Variants in PRKG1 observed in about 807,000 individuals in gnomAD.
PRKG1 encodes cGMP-dependent protein kinase 1.
A neutral mutation model predicts 88.1 loss-of-function variants in PRKG1; 35 were observed. The observed-to-expected ratio is 0.40, with a 90% CI of 0.30 to 0.53. The LOEUF is 0.53. PRKG1 is among the 20% of genes least tolerant of loss of function. The pLI is 0.59. For missense variants in PRKG1, 540 were observed against 839.8 expected (o/e 0.64, Z 4.41); for synonymous variants, 303 against 292.5 (o/e 1.04, Z -0.37).
At chr10:52,173,883 C>G (rs1236709827) in intron 9 of PRKG1, among the ~76,000 whole-genome samples, 1 of 152,120 alleles carries the variant, frequency 6.6e-6, no homozygotes, top group Middle Eastern at 3.4e-3. Context: ...AATTTAAGAC[C>G]GCTTTCAATT....
At chr10:51,650,459 T>G (rs1285859682) in intron 3 of PRKG1, among the ~76,000 whole-genome samples, 2 of 152,232 alleles carry the variant, frequency 1.3e-5, no homozygotes, top group Non-Finnish European at 2.9e-5. Context: ...GTTGACAAAA[T>G]TAATTAGCAA....
chr10:51,413,563 G>C (rs1838160457), intron 2 of PRKG1, among the ~76,000 whole-genome samples: 1 of 152,010 alleles, frequency 6.6e-6, no homozygotes, highest in South Asian at 2.1e-4. Flanking sequence ...GTTTCACCAT[G>C]ATGGCCAGAC....
intron 2 of PRKG1, among the ~76,000 whole-genome samples, chr10:51,207,265 A>G (rs1838086749): frequency 6.6e-6 from 1 of 152,318 alleles, no homozygotes; most frequent in Non-Finnish European, 1.5e-5. Flanking sequence ...TATCTTGATT[A>G]ACTTTCAGCT....
At chr10:50,995,584 T>C (rs1429710258) in intron 1 of PRKG1, among the ~76,000 whole-genome samples, 3 of 152,224 alleles carry the variant, frequency 2.0e-5, no homozygotes. Context: ...GTGTTTTACA[T>C]AGATCTCTGT....
chr10:51,125,571 A>G (rs2131924074), intron 1 of PRKG1, among the ~76,000 whole-genome samples: 1 of 149,504 alleles, frequency 6.7e-6, no homozygotes, highest in South Asian at 2.1e-4. Context: ...AATCCCAGCT[A>G]CTTGGGAGGG....
rs1423598736 is a variant in PRKG1, at chr10:51,553,967, AGATACGTGCATATTATATATGCGTATGT to A, written c.592+86150_592+86177del. On this transcript the variant is annotated intron_variant, in intron 3 of 17. Coordinates refer to ENST00000373980, the MANE Select transcript of PRKG1 (RefSeq NM_006258.4). The stretch of plus-strand genomic sequence containing the variant: ...CGTGTATATAATATATGTATGTATT[AGATACGTGCATATTATATATGCGTATGT>A]GATACGTGCATATTATATGTGCGTA... Among the ~76,000 whole-genome samples the A allele has an allele frequency of 5.2e-5, 7 of 133,718 alleles. 1 individual carries two copies. Among genetic ancestry groups the A allele is most frequent in the Admixed American group, 1.5e-4 (2 of 13,292 alleles). The allele number at this position is 133,718 out of a possible 152,430, so 87.7% of individuals were successfully genotyped here. A position where few individuals can be genotyped will look rare whatever the true frequency, so the allele number is the denominator to read the frequency against.
rs1842111630 is a variant in PRKG1 at position 51,907,497 on chromosome 10, T to C, written c.699-10T>C. ...TCATGTGTTCAGCACTATTCTGTTT[T>C]GTTTTTCAGCGTTCCAACATTCCAG... On this transcript the variant is annotated splice_polypyrimidine_tract_variant and intron_variant, in intron 4 of 17. Transcript: ENST00000373980. 6.2e-7 allele frequency: 1 copy of C among 1,611,178 alleles called. No individual in the cohort carries two copies.
At chr10:51,185,402 T>A (rs1399958280) in intron 2 of PRKG1, among the ~76,000 whole-genome samples, 1 of 152,114 alleles carries the variant, frequency 6.6e-6, no homozygotes, top group South Asian at 2.1e-4. Flanking sequence ...TTGAAATAGG[T>A]TCCACATTAC....
At chr10:51,412,312 T>A (rs555224985) in intron 2 of PRKG1, among the ~76,000 whole-genome samples, 14 of 152,112 alleles carry the variant, frequency 9.2e-5, no homozygotes, top group African/African-American at 3.4e-4. Context: ...CAAAACTAGC[T>A]GTTAATCTTT....
intron 5 of PRKG1, among the ~76,000 whole-genome samples, chr10:51,969,584 A>C (rs1843653817): frequency 6.6e-6 from 1 of 152,136 alleles, no homozygotes. Context: ...ACAATCCTAT[A>C]GAAAAATAGC....
At chr10:51,464,737 A>G (rs1391622412) in intron 2 of PRKG1, among the ~76,000 whole-genome samples, 3 of 151,326 alleles carry the variant, frequency 2.0e-5, no homozygotes, top group Non-Finnish European at 2.9e-5. Context: ...TAAAAATACA[A>G]AAAATTAGCC....
intron 7 of PRKG1, among the ~76,000 whole-genome samples, chr10:52,111,112 A>C (rs556115634): frequency 1.3e-5 from 2 of 152,322 alleles, no homozygotes; most frequent in East Asian, 1.9e-4. Flanking sequence ...TAATTTATTT[A>C]TCTTACTTAA....
chr10:51,304,071 C>T (rs181612725), intron 2 of PRKG1, among the ~76,000 whole-genome samples: 27 of 152,194 alleles, frequency 1.8e-4, no homozygotes, highest in Admixed American at 1.1e-3. Flanking sequence ...CTGCCCACCT[C>T]GGCCTCCCAA....
intron 5 of PRKG1, among the ~76,000 whole-genome samples, chr10:52,011,852 G>A (rs191286161): frequency 2.6e-5 from 4 of 152,226 alleles, no homozygotes; most frequent in East Asian, 1.9e-4. Context: ...TGCTGTTCTC[G>A]TGATAGTGAA....
chr10:51,598,279 AT>A (rs1338255601), intron 3 of PRKG1, among the ~76,000 whole-genome samples: 1 of 151,806 alleles, frequency 6.6e-6, no homozygotes, highest in African/African-American at 2.4e-5. Flanking sequence ...CCAAGCCTTT[AT>A]TTTTTTCCTT....
intron 1 of PRKG1, among the ~76,000 whole-genome samples, chr10:51,083,154 C>T (rs897030503): frequency 3.3e-5 from 5 of 152,138 alleles, no homozygotes; most frequent in Non-Finnish European, 7.3e-5. Flanking sequence ...AGCATCTGAA[C>T]CTATCAGCAT....
At chr10:51,358,474 G>C (rs1214022880) in intron 2 of PRKG1, among the ~76,000 whole-genome samples, 2 of 151,922 alleles carry the variant, frequency 1.3e-5, no homozygotes, top group East Asian at 3.9e-4. Context: ...AGACCAGGCA[G>C]TCTGGAATAT....
At chr10:51,810,957 AC>A (rs1391080636) in intron 4 of PRKG1, among the ~76,000 whole-genome samples, 1 of 152,242 alleles carries the variant, frequency 6.6e-6, no homozygotes, top group Non-Finnish European at 1.5e-5. Flanking sequence ...TGATAAATCA[AC>A]AAGGATTAAA....
intron 3 of PRKG1, among the ~76,000 whole-genome samples, chr10:51,711,975 G>T (rs1419739752): frequency 6.6e-6 from 1 of 152,068 alleles, no homozygotes; most frequent in African/African-American, 2.4e-5. Flanking sequence ...TGCATTCATG[G>T]CTGAGGTTTC....
Sources: allele counts gnomAD v4.1 joint callset (sites outside exome capture counted in the v4.1 genomes callset), GRCh38; gene constraint gnomAD v4.1.1; transcripts MANE v1.5; gene names NCBI Gene and HGNC (gene_info 2026-07-23, HGNC 2026-07-21).